KALRN: variants seen among roughly 807,000 people sequenced by gnomAD.
The protein encoded by KALRN is kalirin RhoGEF kinase, also known as kalirin.
A neutral mutation model predicts 353.7 loss-of-function variants in KALRN; 70 were observed. That is an observed-to-expected ratio of 0.20 (90% CI 0.16 to 0.24). The LOEUF is 0.24. Ranked by LOEUF, KALRN falls within the 10% of genes least tolerant of loss-of-function variation. The pLI is 1.00. For missense variants in KALRN, 2,791 were observed against 3,756.7 expected, an observed-to-expected ratio of 0.74 and a Z score of 6.72; for synonymous variants, 1,391 against 1,434.8, an observed-to-expected ratio of 0.97 and a Z score of 0.69.
chr3:124,230,839 CA>C (rs1164850044), intron 2 of KALRN, among the ~76,000 whole-genome samples: 1 of 94,984 alleles, frequency 1.1e-5, no homozygotes, highest in Non-Finnish European at 2.3e-5. Flanking sequence ...CAAAACAAAA[CA>C]AAAAAACCCC....
intron 10 of KALRN, among the ~76,000 whole-genome samples, chr3:124,368,304 A>C (rs2085276671): frequency 1.4e-5 from 2 of 140,400 alleles, no homozygotes; most frequent in Non-Finnish European, 3.0e-5. Context: ...CACTTCCCAG[A>C]TGGGGTGGCT....
chr3:124,671,723 C>A lies in KALRN; in HGVS notation c.6767C>A (p.Pro2256His). Residue 2256 changes from proline to histidine, a missense_variant, in exon 48 of 60, where the codon CCT becomes CAT. Pro to His is a moderately conservative substitution (Grantham distance 77). Around this residue, in one of 11 missense-constraint regions of KALRN, gnomAD observed 1,065 missense variants for 1,156.4 expected, o/e 0.92. Coordinates refer to ENST00000682506, the MANE Select transcript of KALRN (RefSeq NM_001388419.1). Reference protein sequence around the residue: ...ERSTAVMRSQPARLPQASPRP... With the variant: ...ERSTAVMRSQHARLPQASPRP... ...AGCACAGCTGTGATGAGGTCTCAAC[C>A]TGCCAGGCTTCCCCAAGCCAGCCCC... 1 of 1,614,150 alleles carries A rather than the reference C, an allele frequency of 6.2e-7. No homozygotes were observed. The highest frequency in any genetic ancestry group is 8.5e-7 in the Non-Finnish European group (1 of 1,180,022).
At chr3:124,345,530 C>A (rs1002692885) in intron 9 of KALRN, among the ~76,000 whole-genome samples, 1 of 152,096 alleles carries the variant, frequency 6.6e-6, no homozygotes, top group Non-Finnish European at 1.5e-5. Context: ...GGTAAAAATC[C>A]AGCACTACCA....
chr3:124,381,225 G>A (rs564142221), intron 10 of KALRN, among the ~76,000 whole-genome samples: 2 of 152,314 alleles, frequency 1.3e-5, no homozygotes, highest in Non-Finnish European at 2.9e-5. Context: ...TGGTCAAATA[G>A]AAGAGTGAAG....
intron 33 of KALRN, among the ~76,000 whole-genome samples, chr3:124,561,110 A>G (rs953937212): frequency 3.9e-5 from 6 of 152,216 alleles, no homozygotes; most frequent in Non-Finnish European, 8.8e-5. Context: ...GACCAAGTAG[A>G]TAATTAATGC....
chr3:124,418,851 G>A (rs1418895861), intron 14 of KALRN, among the ~76,000 whole-genome samples: 1 of 152,122 alleles, frequency 6.6e-6, no homozygotes, highest in East Asian at 1.9e-4. Flanking sequence ...AATCACACCT[G>A]GAGCTTTAAG....
chr3:124,206,079 A>G (rs1309580789), intron 1 of KALRN, among the ~76,000 whole-genome samples: 2 of 152,222 alleles, frequency 1.3e-5, no homozygotes, highest in African/African-American at 2.4e-5. Context: ...GATATTAATA[A>G]GAGAGTGTTC....
chr3:124,438,669 C>T (rs898761565), intron 17 of KALRN, among the ~76,000 whole-genome samples: 1 of 147,190 alleles, frequency 6.8e-6, no homozygotes, highest in Non-Finnish European at 1.5e-5. Context: ...CATCAACTCC[C>T]ATAAAAAGAT....
intron 6 of KALRN, 119 bp from the exon 7 acceptor site, chr3:124,325,861 A>G: frequency 1.3e-6 from 1 of 751,186 alleles, no homozygotes; most frequent in Non-Finnish European, 2.3e-6. Context: ...TATGGACTGT[A>G]CCAGCGTCTC....
At chr3:124,565,058 A>ATT (rs2072631310) in intron 34 of KALRN, among the ~76,000 whole-genome samples, 1 of 152,184 alleles carries the variant, frequency 6.6e-6, no homozygotes, top group South Asian at 2.1e-4. Flanking sequence ...CTCAGAACAT[A>ATT]TTTAAAACAC....
Position 124,482,820 on chromosome 3 carries a change from C to T in KALRN, c.4204C>T (p.Arg1402Trp), listed in dbSNP as rs775145320. Residue 1402 changes from arginine (R) to tryptophan (W), a missense_variant, in exon 28 of 60, where the codon CGG becomes TGG. Around this residue, in one of 11 missense-constraint regions of KALRN, gnomAD observed 54 missense variants for 131.7 expected, o/e 0.41. Transcript: ENST00000682506. Reference protein sequence around the residue: ...AGTFFDEIQQRHGLANSISSY... With the variant: ...AGTFFDEIQQWHGLANSISSY... ...CTCATCCCTGCAGGAGATACAACAG[C>T]GGCATGGTCTGGCCAACTCCATCTC... The T allele has an allele frequency of 3.7e-6, 6 of 1,611,150 alleles. No homozygotes were observed. The highest frequency in any genetic ancestry group is 1.7e-5 in the Admixed American group (1 of 60,004).
chr3:124,292,451 G>A (rs1470563100), intron 5 of KALRN, among the ~76,000 whole-genome samples: 1 of 152,190 alleles, frequency 6.6e-6, no homozygotes, highest in Non-Finnish European at 1.5e-5. Flanking sequence ...AGAGGGTGGG[G>A]AAGGGAGAGT....
intron 38 of KALRN, 31 bp downstream of exon 38, chr3:124,650,969 T>C (rs1021864369): frequency 1.1e-5 from 17 of 1,612,054 alleles, no homozygotes; most frequent in Non-Finnish European, 1.4e-5. Flanking sequence ...CTCCCTGTGG[T>C]GCACATGTGA....
At chr3:124,114,386 TGAA>T (rs1454161615) in intron 1 of KALRN, among the ~76,000 whole-genome samples, 7 of 152,104 alleles carry the variant, frequency 4.6e-5, no homozygotes, top group Non-Finnish European at 1.0e-4. Context: ...GTGCAAAAGT[TGAA>T]GGAGCTGTCT....
chr3:124,652,890 C>T (rs940359074), intron 38 of KALRN, among the ~76,000 whole-genome samples: 5 of 152,056 alleles, frequency 3.3e-5, no homozygotes, highest in African/African-American at 1.2e-4. Flanking sequence ...AGTCACTACT[C>T]TTAGCATGTA....
chr3:124,196,781 G>A (rs2075480549), intron 1 of KALRN, among the ~76,000 whole-genome samples: 1 of 152,020 alleles, frequency 6.6e-6, no homozygotes, highest in Admixed American at 6.6e-5. Context: ...CTGTCTTATG[G>A]CTGCATCTTG....
Position 124,546,572 on chromosome 3 carries a change from T to C in KALRN, c.4936-16271T>C, listed in dbSNP as rs577954168. Among the ~76,000 whole-genome samples, 5 of 152,218 alleles carry C rather than the reference T, an allele frequency of 3.3e-5. 1 individual carries two copies. In the South Asian group the frequency reaches 1.0e-3, roughly 32 times the overall value. ...AAGAGGGTTGTTGTGGAAGCTGGGT[T>C]GGGGGTTAGGGAAAGAGAAGTACAA... On this transcript the variant is annotated intron_variant, in intron 33 of 59. Coordinates refer to ENST00000682506, the MANE Select transcript of KALRN (RefSeq NM_001388419.1).
chr3:124,287,250 A>T (rs574563575), intron 5 of KALRN, among the ~76,000 whole-genome samples: 4 of 152,060 alleles, frequency 2.6e-5, no homozygotes, highest in African/African-American at 9.7e-5. Context: ...AATATGCCCC[A>T]CCTCTCATAC....
intron 14 of KALRN, among the ~76,000 whole-genome samples, chr3:124,414,125 T>C (rs960397006): frequency 6.6e-6 from 1 of 151,350 alleles, no homozygotes; most frequent in African/African-American, 2.4e-5. Context: ...ACGGAAGCCA[T>C]GAGAGCTGGA....
Sources: allele counts gnomAD v4.1 joint callset (sites outside exome capture counted in the v4.1 genomes callset), GRCh38; gene constraint gnomAD v4.1.1; regional missense constraint gnomAD v4.1.1; transcripts MANE v1.5; gene names NCBI Gene and HGNC (gene_info 2026-07-23, HGNC 2026-07-21).